Variants in ATP6V1C2 observed in about 807,000 individuals in gnomAD.
ATP6V1C2 encodes the protein V-type proton ATPase subunit C 2.
A neutral mutation model predicts 56.8 loss-of-function variants in ATP6V1C2; 45 were observed. The observed-to-expected ratio is 0.79, with a 90% confidence interval of 0.62 to 1.02. ATP6V1C2 has a LOEUF of 1.02. ATP6V1C2 is among the 50% of genes least tolerant of loss of function. ATP6V1C2 has a pLI of 0.00. For missense variants in ATP6V1C2, 463 were observed against 519.7 expected (o/e 0.89, Z 1.06); for synonymous variants, 220 against 201.3 (o/e 1.09, Z -0.79).
At chr2:10,726,292 G>T (rs1284061374) in intron 2 of ATP6V1C2, among the ~76,000 whole-genome samples, 1 of 152,200 alleles carries the variant, frequency 6.6e-6, no homozygotes, top group East Asian at 1.9e-4. Context: ...GCAGGCATAT[G>T]ACAGTTTATC....
At chr2:10,732,978 A>AAAAG (rs1662049588) in intron 3 of ATP6V1C2, among the ~76,000 whole-genome samples, 1 of 151,862 alleles carries the variant, frequency 6.6e-6, no homozygotes, top group East Asian at 1.9e-4. Flanking sequence ...AAAAAAAAAA[A>AAAAG]AAGAAAAAGA....
intron 6 of ATP6V1C2, among the ~76,000 whole-genome samples, chr2:10,771,021 G>T (rs1323459933): frequency 6.6e-6 from 1 of 152,222 alleles, no homozygotes; most frequent in East Asian, 1.9e-4. Flanking sequence ...GGACAGGGAG[G>T]CTCATGCATG....
intron 5 of ATP6V1C2, 57 bp from the exon 6 acceptor site, chr2:10,768,662 T>G (rs1664382929): frequency 6.8e-7 from 1 of 1,462,900 alleles, no homozygotes; most frequent in Non-Finnish European, 9.6e-7. Flanking sequence ...TTTCAAAAAG[T>G]TCAGCCAACT....
intron 5 of ATP6V1C2, among the ~76,000 whole-genome samples, chr2:10,766,922 G>C (rs1031236501): frequency 2.0e-5 from 3 of 152,150 alleles, no homozygotes; most frequent in East Asian, 3.9e-4. Context: ...GTTGTATAGT[G>C]AGCTGTGGGA....
chr2:10,757,105 C>T (rs1044978232), intron 4 of ATP6V1C2, among the ~76,000 whole-genome samples: 4 of 138,490 alleles, frequency 2.9e-5, no homozygotes, highest in African/African-American at 1.1e-4. Context: ...CTCTGCCTAT[C>T]AGGTTCAAGC....
At chr2:10,751,964 G>T (rs1336393775) in intron 3 of ATP6V1C2, among the ~76,000 whole-genome samples, 1 of 151,832 alleles carries the variant, frequency 6.6e-6, no homozygotes, top group Non-Finnish European at 1.5e-5. Context: ...TAGAAATGAG[G>T]TGGAGGATCA....
chr2:10,725,124 T>C (rs1320649781), intron 2 of ATP6V1C2, among the ~76,000 whole-genome samples: 1 of 151,970 alleles, frequency 6.6e-6, no homozygotes, highest in Non-Finnish European at 1.5e-5. Context: ...CACTAAGAAA[T>C]AGATCATGGC....
chr2:10,732,295 A>G (rs1661999353), intron 3 of ATP6V1C2, among the ~76,000 whole-genome samples: 1 of 150,080 alleles, frequency 6.7e-6, no homozygotes, highest in South Asian at 2.1e-4. Flanking sequence ...GTCTTGCTCT[A>G]CTGCCCAGGC....
At chr2:10,781,335 C>A (rs1433673776) in intron 12 of ATP6V1C2, among the ~76,000 whole-genome samples, 1 of 151,874 alleles carries the variant, frequency 6.6e-6, no homozygotes, top group African/African-American at 2.4e-5. Context: ...ATTAGCCTGG[C>A]GTGGTGGTGG....
At chr2:10,729,053 C>A (rs1661813871) in intron 3 of ATP6V1C2, among the ~76,000 whole-genome samples, 1 of 151,634 alleles carries the variant, frequency 6.6e-6, no homozygotes, top group Non-Finnish European at 1.5e-5. Flanking sequence ...TTGCTTGAAC[C>A]TGGCAGGCGG....
chr2:10,737,070 T>C (rs1258359032), intron 3 of ATP6V1C2, among the ~76,000 whole-genome samples: 1 of 152,068 alleles, frequency 6.6e-6, no homozygotes, highest in Non-Finnish European at 1.5e-5. Flanking sequence ...TTTTAAATTC[T>C]TTTATTTTTG....
rs776621293 is a variant in ATP6V1C2 at position 10,778,577 on chromosome 2, C to T, written c.969C>T (p.Pro323=). The change falls in exon 12 of 14, where the codon CCC becomes CCT. Residue 323 remains proline (P), a synonymous_variant. Transcript: ENST00000272238. ...TGGCTCTTCTGTCTTTGCAGGGCCCCCTGCTGCGCTGGCTCAAGGTGAACT... is the reference window on the plus strand; with the variant it reads ...TGGCTCTTCTGTCTTTGCAGGGCCCTCTGCTGCGCTGGCTCAAGGTGAACT... The part of the protein sequence containing the change: ...ERESEGEGEG[P]LLRWLKVNFS... 1 of 1,614,128 alleles carries T rather than the reference C, an allele frequency of 6.2e-7. No individual in the cohort carries two copies. Among genetic ancestry groups the T allele is most frequent in the Non-Finnish European group, 8.5e-7 (1 of 1,180,004 alleles).
chr2:10,750,194 C>T (rs1230639693), intron 3 of ATP6V1C2, among the ~76,000 whole-genome samples: 1 of 152,140 alleles, frequency 6.6e-6, no homozygotes, highest in Admixed American at 6.6e-5. Flanking sequence ...CATGTATATG[C>T]CTAAGGGCCA....
intron 4 of ATP6V1C2, among the ~76,000 whole-genome samples, chr2:10,762,020 A>G (rs1014654147): frequency 6.6e-6 from 1 of 152,260 alleles, no homozygotes; most frequent in African/African-American, 2.4e-5. Flanking sequence ...TGGGCCCTGC[A>G]GGGCGTTAGG....
At chr2:10,746,843 G>A (rs1316246816) in intron 3 of ATP6V1C2, among the ~76,000 whole-genome samples, 1 of 152,082 alleles carries the variant, frequency 6.6e-6, no homozygotes, top group Non-Finnish European at 1.5e-5. Context: ...TCAACAGTTT[G>A]GTTTCTTTTC....
chr2:10,769,960 C>G (rs1041713498), intron 6 of ATP6V1C2: 2 of 152,252 alleles, frequency 1.3e-5, no homozygotes, highest in Non-Finnish European at 2.9e-5. Context: ...TGCCCTCCCC[C>G]TGATTGGCCC....
At chr2:10,777,812 TCTGTTCTCTAATATGG>T in intron 11 of ATP6V1C2, 90 bp downstream of exon 11, 1 of 1,479,200 alleles carries the variant, frequency 6.8e-7, no homozygotes, top group Non-Finnish European at 9.0e-7. Flanking sequence ...CTTGCATTTT[TCTGTTCTCTAATATGG>T]CTTTTGAGGT....
intron 11 of ATP6V1C2, among the ~76,000 whole-genome samples, chr2:10,778,130 C>T (rs1018662109): frequency 8.5e-5 from 13 of 152,196 alleles, no homozygotes; most frequent in Non-Finnish European, 1.8e-4. Flanking sequence ...CCCAGGAAGA[C>T]CTGCCACACC....
rs190489257 is a variant in ATP6V1C2, at chr2:10,779,295, C to T, written c.1061+626C>T. ...AATTTTTTTATATTTTTAGTAGAGG[C>T]GGGGTTTCACCATGTTGGTCAGGAT... On this transcript the variant is annotated intron_variant, in intron 12 of 13. Transcript: ENST00000272238. Among the ~76,000 whole-genome samples, 502 of 150,752 alleles carry T rather than the reference C, an allele frequency of 3.3e-3. 2 individuals carry two copies. The highest frequency in any genetic ancestry group is 3.1e-3 in the Non-Finnish European group (207 of 67,574).
Sources: allele counts gnomAD v4.1 joint callset (sites outside exome capture counted in the v4.1 genomes callset), GRCh38; gene constraint gnomAD v4.1.1; transcripts MANE v1.5; gene names NCBI Gene and HGNC (gene_info 2026-07-23, HGNC 2026-07-21).